The following SLC1A3 variants were observed in gnomAD, a reference collection of about 807,000 sequenced individuals.
SLC1A3 encodes solute carrier family 1 member 3.
SLC1A3 carries 21 observed loss-of-function variants against 48.1 expected under a neutral mutation model. The observed-to-expected ratio is 0.44, with a 90% CI of 0.31 to 0.63. The LOEUF (loss-of-function observed/expected upper bound fraction) is 0.63, where lower values mean the gene tolerates loss of function less well. Ranked by LOEUF, SLC1A3 falls within the 20% of genes least tolerant of loss-of-function variation. The pLI is 0.08. For missense variants in SLC1A3, 546 were observed against 689.0 expected, an observed-to-expected ratio of 0.79 and a Z score of 2.32; for synonymous variants, 239 against 251.4, an observed-to-expected ratio of 0.95 and a Z score of 0.47.
intron 2 of SLC1A3, among the ~76,000 whole-genome samples, chr5:36,617,555 T>A (rs1291708440): frequency 6.6e-6 from 1 of 151,972 alleles, no homozygotes; most frequent in Non-Finnish European, 1.5e-5. Flanking sequence ...TTCCCGTTTA[T>A]CTTGTTATTC....
intron 3 of SLC1A3, among the ~76,000 whole-genome samples, chr5:36,660,760 A>C (rs188237484): frequency 6.6e-6 from 1 of 152,250 alleles, no homozygotes; most frequent in Non-Finnish European, 1.5e-5. Flanking sequence ...ATTCTTTTAG[A>C]TAAAACAACC....
chr5:36,622,954 G>A (rs1739741031), intron 2 of SLC1A3, among the ~76,000 whole-genome samples: 1 of 149,962 alleles, frequency 6.7e-6, no homozygotes, highest in South Asian at 2.1e-4. Flanking sequence ...GGAGCTTGCA[G>A]TGAGCCGAGA....
At chr5:36,648,531 T>C (rs1464344516) in intron 3 of SLC1A3, among the ~76,000 whole-genome samples, 1 of 152,200 alleles carries the variant, frequency 6.6e-6, no homozygotes, top group Non-Finnish European at 1.5e-5. Flanking sequence ...TGGTTGCCCT[T>C]GGAAGGTATT....
chr5:36,671,559 T>C (rs1482685024), intron 4 of SLC1A3, among the ~76,000 whole-genome samples: 1 of 152,224 alleles, frequency 6.6e-6, no homozygotes, highest in Non-Finnish European at 1.5e-5. Flanking sequence ...TCTTAACTGC[T>C]GTTCTTTAAG....
At chr5:36,617,157 G>T (rs951547703) in intron 2 of SLC1A3, among the ~76,000 whole-genome samples, 1 of 151,944 alleles carries the variant, frequency 6.6e-6, no homozygotes, top group African/African-American at 2.4e-5. Flanking sequence ...TTTCAGATTC[G>T]CTTCCTTGTC....
intron 2 of SLC1A3, among the ~76,000 whole-genome samples, chr5:36,615,847 AAC>A (rs1451133152): frequency 1.3e-5 from 2 of 152,226 alleles, no homozygotes; most frequent in Non-Finnish European, 2.9e-5. Context: ...GAGCTGAGAA[AAC>A]ACACAGAGCA....
intron 3 of SLC1A3, among the ~76,000 whole-genome samples, chr5:36,655,253 A>G (rs1741241211): frequency 6.6e-6 from 1 of 152,154 alleles, no homozygotes; most frequent in Admixed American, 6.5e-5. Context: ...TCTTTGCCGG[A>G]GAGTATCAGG....
intron 2 of SLC1A3, among the ~76,000 whole-genome samples, chr5:36,623,465 T>A (rs1739767064): frequency 6.6e-6 from 1 of 152,244 alleles, no homozygotes; most frequent in Middle Eastern, 3.4e-3. Context: ...GCCATAAAGC[T>A]TTTTGTCAGC....
intron 3 of SLC1A3, among the ~76,000 whole-genome samples, chr5:36,631,216 C>T (rs1229217915): frequency 6.6e-6 from 1 of 152,188 alleles, no homozygotes; most frequent in Admixed American, 6.5e-5. Context: ...TTAGAGGTAT[C>T]TGCTTTCTCT....
chr5:36,639,676 T>C (rs1396726291), intron 3 of SLC1A3, among the ~76,000 whole-genome samples: 1 of 152,278 alleles, frequency 6.6e-6, no homozygotes, highest in African/African-American at 2.4e-5. Context: ...GGATGCTGTT[T>C]TCTCCTACTC....
intron 3 of SLC1A3, among the ~76,000 whole-genome samples, chr5:36,665,397 G>T (rs1741699013): frequency 6.6e-6 from 1 of 152,218 alleles, no homozygotes; most frequent in African/African-American, 2.4e-5. Flanking sequence ...TAAAATTCTG[G>T]TAGCAGGAGA....
At chr5:36,636,463 TTTTCTTTCTTTC>T (rs200426737) in intron 3 of SLC1A3, 1 of 68,596 alleles carries the variant, frequency 1.5e-5, no homozygotes, top group Non-Finnish European at 2.8e-5. Context: ...TCTTTCTTTC[TTTTCTTTCTTTC>T]TTTCTTTCTT....
At chr5:36,660,520 A>T (rs1741462001) in intron 3 of SLC1A3, among the ~76,000 whole-genome samples, 1 of 152,268 alleles carries the variant, frequency 6.6e-6, no homozygotes, top group Admixed American at 6.5e-5. Flanking sequence ...ATCAGCAATT[A>T]TTCAATTCCA....
At chr5:36,632,264 T>C (rs746438574) in intron 3 of SLC1A3, among the ~76,000 whole-genome samples, 45 of 152,318 alleles carry the variant, frequency 3.0e-4, no homozygotes, top group Non-Finnish European at 5.9e-4. Context: ...GCAGATTCTT[T>C]GATACAATTC....
At chr5:36,664,363 C>T (rs1043494860) in intron 3 of SLC1A3, among the ~76,000 whole-genome samples, 1 of 152,128 alleles carries the variant, frequency 6.6e-6, no homozygotes, top group African/African-American at 2.4e-5. Context: ...GAACTCCTGA[C>T]CTCCAGTGAT....
intron 2 of SLC1A3, among the ~76,000 whole-genome samples, chr5:36,616,728 T>C (rs1739451743): frequency 6.6e-6 from 1 of 152,156 alleles, no homozygotes; most frequent in South Asian, 2.1e-4. Context: ...TCGCATTACT[T>C]GAAATATCAT....
intron 3 of SLC1A3, among the ~76,000 whole-genome samples, chr5:36,632,632 C>T (rs1740180479): frequency 6.6e-6 from 1 of 152,154 alleles, no homozygotes; most frequent in Non-Finnish European, 1.5e-5. Context: ...ACTTTATAGA[C>T]TTGTTTCTCC....
intron 3 of SLC1A3, among the ~76,000 whole-genome samples, chr5:36,633,708 G>C (rs1740223124): frequency 6.6e-6 from 1 of 152,120 alleles, no homozygotes; most frequent in African/African-American, 2.4e-5. Flanking sequence ...TTAAGAACAT[G>C]ATTTCAAATC....
chr5:36,673,601 C>A (rs1742083116), intron 4 of SLC1A3, among the ~76,000 whole-genome samples: 1 of 152,214 alleles, frequency 6.6e-6, no homozygotes, highest in Admixed American at 6.5e-5. Flanking sequence ...CTTTGGGAGG[C>A]TTTTCTGGAG....
Sources: gnomAD v4.1 joint callset for allele counts (sites outside exome capture counted in the v4.1 genomes callset) on GRCh38, gnomAD v4.1.1 for gene constraint, MANE v1.5 for transcripts, NCBI Gene and HGNC (gene_info 2026-07-23, HGNC 2026-07-21) for gene names.